The following IDE variants were observed in gnomAD, a reference collection of about 807,000 sequenced individuals.
IDE encodes insulin-degrading enzyme.
IDE carries 58 observed loss-of-function variants against 133.2 expected under a neutral mutation model. The ratio of observed to expected loss-of-function variants is 0.44; its 90% confidence interval spans 0.35 to 0.54. IDE has a LOEUF of 0.54. IDE is among the 20% of genes least tolerant of loss of function. The probability of loss-of-function intolerance (pLI) is 0.00; values close to 1 mark genes in which losing one functional copy is unlikely to be tolerated. For missense variants in IDE, 981 were observed against 1,234.0 expected (o/e 0.79, Z 3.07); for synonymous variants, 396 against 421.3 (o/e 0.94, Z 0.73).
chr10:92,551,458 C>T (rs1589527317), intron 1 of IDE, among the ~76,000 whole-genome samples: 1 of 151,170 alleles, frequency 6.6e-6, no homozygotes, highest in Non-Finnish European at 1.5e-5. Context: ...GTCCCAGATA[C>T]TCAGGAGGCT....
chr10:92,555,955 C>T (rs937294593), intron 1 of IDE, among the ~76,000 whole-genome samples: 4 of 151,514 alleles, frequency 2.6e-5, no homozygotes, highest in African/African-American at 4.8e-5. Flanking sequence ...GGGTGGATCA[C>T]GAGGTCAGGA....
In IDE at chr10:92,479,165, TA is replaced by T. The variant is rs1401685895; in HGVS notation, c.1884+111del. ...TTAAATGAGAAAATATGATTAGCCA[TA>T]AAGATTAAAAAAAAAAGAAATTAAA... On this transcript the variant is annotated intron_variant, in intron 15 of 24. Transcript: ENST00000265986. The T allele has an allele frequency of 1.3e-5, 9 of 675,232 alleles. No homozygotes were observed. The Admixed American group carries it at 2.0e-4, about 15-fold the overall frequency. The allele number at this position is 675,232 out of a possible 1,614,324, so 41.8% of individuals were successfully genotyped here.
chr10:92,533,821 C>T (rs1850074218), intron 3 of IDE, among the ~76,000 whole-genome samples: 1 of 151,322 alleles, frequency 6.6e-6, no homozygotes, highest in Non-Finnish European at 1.5e-5. Flanking sequence ...GTCAGGAGTT[C>T]GAGACCAGCC....
chr10:92,557,145 A>C (rs1843051888), intron 1 of IDE, among the ~76,000 whole-genome samples: 1 of 152,144 alleles, frequency 6.6e-6, no homozygotes. Flanking sequence ...AATGGTCAAA[A>C]AAGTCTTGAG....
chr10:92,559,925 T>G (rs1843197991), intron 1 of IDE, among the ~76,000 whole-genome samples: 2 of 151,940 alleles, frequency 1.3e-5, no homozygotes, highest in Admixed American at 1.3e-4. Flanking sequence ...TTTGTAGAGA[T>G]AGGGTCCCAC....
intron 10 of IDE, among the ~76,000 whole-genome samples, chr10:92,505,567 C>T (rs1465742770): frequency 6.6e-6 from 1 of 152,026 alleles, no homozygotes; most frequent in Non-Finnish European, 1.5e-5. Flanking sequence ...AGCACACAGA[C>T]ATTGTAATTG....
chr10:92,573,866 C>G (rs1475986008), intron 1 of IDE, 56 bp downstream of exon 1: 1 of 1,224,420 alleles, frequency 8.2e-7, no homozygotes, highest in Non-Finnish European at 1.1e-6. Context: ...GCAACCCGAG[C>G]GCCAAACCGC....
At chr10:92,554,280 A>G (rs1357901446) in intron 1 of IDE, among the ~76,000 whole-genome samples, 1 of 152,202 alleles carries the variant, frequency 6.6e-6, no homozygotes, top group African/African-American at 2.4e-5. Flanking sequence ...AAGGCTAAGT[A>G]TAGTGGCTCA....
intron 4 of IDE, among the ~76,000 whole-genome samples, chr10:92,521,062 C>T (rs1443642258): frequency 6.6e-6 from 1 of 152,116 alleles, no homozygotes; most frequent in Admixed American, 6.5e-5. Context: ...GGAATAAAAG[C>T]ATTTATCCTG....
At chr10:92,535,023 T>C (rs1276497944) in intron 2 of IDE, among the ~76,000 whole-genome samples, 1 of 152,232 alleles carries the variant, frequency 6.6e-6, no homozygotes, top group Non-Finnish European at 1.5e-5. Flanking sequence ...TTAGTGTCTC[T>C]GAACATTAGT....
chr10:92,540,846 C>T (rs956174069), intron 1 of IDE, among the ~76,000 whole-genome samples: 14 of 151,956 alleles, frequency 9.2e-5, no homozygotes, highest in African/African-American at 3.4e-4. Flanking sequence ...TTTCAACTTC[C>T]CTTATCTGGA....
chr10:92,517,080 T>C (rs915119064), intron 4 of IDE, among the ~76,000 whole-genome samples: 2 of 152,186 alleles, frequency 1.3e-5, no homozygotes, highest in African/African-American at 4.8e-5. Context: ...AAAACTATGG[T>C]AGAGTATGTT....
intron 7 of IDE, 86 bp downstream of exon 7, chr10:92,508,642 C>T: frequency 1.6e-6 from 2 of 1,268,092 alleles, no homozygotes; most frequent in South Asian, 1.3e-5. Context: ...AACAATGTTC[C>T]TTCATAGGAC....
chr10:92,526,147 C>T (rs141170555), intron 4 of IDE, among the ~76,000 whole-genome samples: 215 of 144,932 alleles, frequency 1.5e-3, no homozygotes, highest in African/African-American at 5.3e-3. Flanking sequence ...AGCGGGACTC[C>T]GTCTCAAAAA....
chr10:92,461,557 T>C (rs1304082819), intron 21 of IDE, among the ~76,000 whole-genome samples: 1 of 152,152 alleles, frequency 6.6e-6, no homozygotes, highest in Non-Finnish European at 1.5e-5. Context: ...GGTTTCGCCA[T>C]GTTGGCTAGG....
chr10:92,497,482 T>C (rs1030601849), intron 11 of IDE, among the ~76,000 whole-genome samples: 17 of 152,176 alleles, frequency 1.1e-4, no homozygotes, highest in African/African-American at 4.1e-4. Context: ...CTTGAGCACC[T>C]TGGATTTTGA....
chr10:92,478,071 A>G (rs565942550), intron 15 of IDE, among the ~76,000 whole-genome samples: 1 of 152,350 alleles, frequency 6.6e-6, no homozygotes, highest in Admixed American at 6.5e-5. Context: ...GTGTGCCATA[A>G]AAGGGATGTT....
chr10:92,460,802 T>C (rs1442149746), intron 22 of IDE, among the ~76,000 whole-genome samples: 1 of 152,226 alleles, frequency 6.6e-6, no homozygotes, highest in Non-Finnish European at 1.5e-5. Flanking sequence ...CCAGCCTGAA[T>C]GGCTTCAAAG....
intron 1 of IDE, among the ~76,000 whole-genome samples, chr10:92,547,218 CA>C (rs1305260114): frequency 1.3e-5 from 2 of 151,340 alleles, no homozygotes; most frequent in Non-Finnish European, 2.9e-5. Flanking sequence ...GGACTACAGG[CA>C]TACGCCACCA....
Sources: allele counts gnomAD v4.1 joint callset (sites outside exome capture counted in the v4.1 genomes callset), GRCh38; gene constraint gnomAD v4.1.1; transcripts MANE v1.5; gene names NCBI Gene and HGNC (gene_info 2026-07-23, HGNC 2026-07-21).